Variants in BLTP1 observed in about 807,000 individuals in gnomAD.
The protein encoded by BLTP1 is fragile site-associated protein.
chr4:122,223,319 G>C, the BLTP1 span, among the ~76,000 whole-genome samples: 2 of 152,234 alleles, frequency 1.3e-5, no homozygotes, highest in African/African-American at 4.8e-5. Flanking sequence ...AGATAGCCTA[G>C]ACATACATGA....
the BLTP1 span, among the ~76,000 whole-genome samples, chr4:122,291,293 A>G: frequency 6.6e-6 from 1 of 152,222 alleles, no homozygotes; most frequent in African/African-American, 2.4e-5. Flanking sequence ...TTAGCTGGCC[A>G]CAGGGCCTGA....
chr4:122,316,731 G>T, the BLTP1 span: 1 of 1,603,858 alleles, frequency 6.2e-7, no homozygotes, highest in Non-Finnish European at 8.5e-7. Context: ...TGACTTTTCA[G>T]GAAGCCACAG....
the BLTP1 span, among the ~76,000 whole-genome samples, chr4:122,294,949 C>G: frequency 1.3e-5 from 2 of 152,132 alleles, no homozygotes; most frequent in African/African-American, 4.8e-5. Context: ...AAAAACACAG[C>G]AGGAGAACTT....
At chr4:122,295,605 C>T in the BLTP1 span, among the ~76,000 whole-genome samples, 1 of 152,156 alleles carries the variant, frequency 6.6e-6, no homozygotes, top group Non-Finnish European at 1.5e-5. Flanking sequence ...AGGCCACTAT[C>T]ATCCTCATAC....
chr4:122,313,116 A>T, the BLTP1 span, among the ~76,000 whole-genome samples: 1 of 152,224 alleles, frequency 6.6e-6, no homozygotes, highest in South Asian at 2.1e-4. Flanking sequence ...TGAGATTGAC[A>T]TCATAGCCTT....
the BLTP1 span, among the ~76,000 whole-genome samples, chr4:122,217,330 T>C: frequency 2.6e-5 from 4 of 152,226 alleles, no homozygotes; most frequent in Admixed American, 6.5e-5. Context: ...TTACTTTTGC[T>C]ATGCAGGTTC....
the BLTP1 span, chr4:122,316,636 CTTG>C: frequency 6.8e-7 from 1 of 1,475,342 alleles, no homozygotes; most frequent in Non-Finnish European, 9.3e-7. Context: ...GGTTTTGATT[CTTG>C]CATGCTTTGA....
At chr4:122,336,903 T>C in the BLTP1 span, 1 of 1,607,578 alleles carries the variant, frequency 6.2e-7, no homozygotes, top group Non-Finnish European at 8.5e-7. Context: ...AAGATGAAGA[T>C]ATGGGACATT....
the BLTP1 span, chr4:122,221,162 C>A: frequency 2.2e-6 from 1 of 445,974 alleles, no homozygotes; most frequent in Non-Finnish European, 3.0e-6. Flanking sequence ...AATCTGACAA[C>A]CAGAAATCAT....
the BLTP1 span, among the ~76,000 whole-genome samples, chr4:122,164,759 A>T: frequency 1.6e-4 from 24 of 146,022 alleles, no homozygotes; most frequent in African/African-American, 4.3e-4. Context: ...CATTTATTTT[A>T]TTTTTTTTTT....
At chr4:122,304,743 G>C in the BLTP1 span, 1 of 1,595,764 alleles carries the variant, frequency 6.3e-7, no homozygotes, top group South Asian at 1.1e-5. Context: ...ATTTGAGTAG[G>C]TATATGTTGT....
chr4:122,329,811 G>A, the BLTP1 span, among the ~76,000 whole-genome samples: 288 of 151,622 alleles, frequency 1.9e-3, 1 homozygote, highest in African/African-American at 6.8e-3. Context: ...TTATCTGTAG[G>A]CACAATCTCT....
chr4:122,191,055 C>G, the BLTP1 span, among the ~76,000 whole-genome samples: 2 of 152,084 alleles, frequency 1.3e-5, no homozygotes, highest in African/African-American at 4.8e-5. Context: ...CACACATTTA[C>G]GGTAAAACAA....
the BLTP1 span, chr4:122,210,849 C>T: frequency 6.2e-7 from 1 of 1,601,476 alleles, no homozygotes; most frequent in Non-Finnish European, 8.5e-7. Flanking sequence ...GTCCCCCACC[C>T]CTCAAACATT....
chr4:122,171,239 T>C, the BLTP1 span, among the ~76,000 whole-genome samples: 1 of 152,152 alleles, frequency 6.6e-6, no homozygotes, highest in South Asian at 2.1e-4. Context: ...TCTAGGTATA[T>C]AGAAATAGCT....
At chr4:122,328,399 A>G in the BLTP1 span, 6 of 1,542,398 alleles carry the variant, frequency 3.9e-6, no homozygotes, top group South Asian at 6.9e-5. Context: ...GTATTTCAGA[A>G]TCTAGAAATG....
chr4:122,154,223 T>G, the BLTP1 span: 1 of 737,226 alleles, frequency 1.4e-6, no homozygotes, highest in Non-Finnish European at 1.6e-6. Flanking sequence ...TTGCCCAGGC[T>G]GGAGTGCAGT....
the BLTP1 span, among the ~76,000 whole-genome samples, chr4:122,213,762 T>C: frequency 6.6e-6 from 1 of 152,166 alleles, no homozygotes; most frequent in African/African-American, 2.4e-5. Context: ...GAAGGTCTTC[T>C]GCAGATGTAG....
At chr4:122,185,057 A>G in the BLTP1 span, 1 of 985,356 alleles carries the variant, frequency 1.0e-6, no homozygotes, top group South Asian at 4.7e-5. Context: ...ACTAAATACT[A>G]GTGAAGTAAT....
Sources: gnomAD v4.1 joint callset for allele counts (sites outside exome capture counted in the v4.1 genomes callset) on GRCh38, gnomAD v4.1.1 for gene constraint, MANE v1.5 for transcripts, NCBI Gene and HGNC (gene_info 2026-07-23, HGNC 2026-07-21) for gene names.